The following COL24A1 variants were observed in gnomAD, a reference collection of about 807,000 sequenced individuals.
COL24A1 encodes collagen type XXIV alpha 1 chain.
In COL24A1, 224 loss-of-function variants were observed where a neutral mutation model predicts 253.9. That is an observed-to-expected ratio of 0.88 (90% CI 0.79 to 0.99). The LOEUF (loss-of-function observed/expected upper bound fraction) is 0.99. COL24A1 is among the 50% of genes least tolerant of loss of function. The pLI, the probability that COL24A1 is intolerant of heterozygous loss-of-function variation, is 0.00. For missense variants in COL24A1, 2,131 were observed against 2,068.5 expected (o/e 1.03, Z -0.59); for synonymous variants, 685 against 673.7 (o/e 1.02, Z -0.26).
intron 5 of COL24A1, among the ~76,000 whole-genome samples, chr1:86,110,281 T>C (rs781181025): frequency 2.6e-5 from 4 of 151,950 alleles, no homozygotes; most frequent in Non-Finnish European, 5.9e-5. Context: ...TTATGTTTAG[T>C]GATATCTCCA....
intron 28 of COL24A1, among the ~76,000 whole-genome samples, chr1:85,897,928 T>C (rs564938472): frequency 3.5e-4 from 53 of 152,136 alleles, no homozygotes; most frequent in Non-Finnish European, 7.1e-4. Flanking sequence ...AATAAAGATA[T>C]TTTTAGCAGC....
At chr1:85,862,301 C>T (rs532321620) in intron 37 of COL24A1, among the ~76,000 whole-genome samples, 18 of 152,156 alleles carry the variant, frequency 1.2e-4, no homozygotes, top group Non-Finnish European at 1.8e-4. Flanking sequence ...AAAACTTCAT[C>T]GAATTCACAA....
At chr1:86,031,853 AATG>A (rs1559067110) in intron 14 of COL24A1, 22 bp downstream of exon 14, 7 of 1,575,874 alleles carry the variant, frequency 4.4e-6, no homozygotes, top group Non-Finnish European at 5.2e-6. Context: ...TTTTCTTAAG[AATG>A]ATGATATTTA....
intron 19 of COL24A1, among the ~76,000 whole-genome samples, chr1:86,004,770 A>G (rs139750230): frequency 2.6e-3 from 394 of 152,254 alleles, no homozygotes; most frequent in African/African-American, 9.1e-3. Context: ...AGAAGACACA[A>G]CAAAGGTCTT....
intron 9 of COL24A1, among the ~76,000 whole-genome samples, chr1:86,058,279 A>G (rs1030661784): frequency 1.3e-5 from 2 of 151,764 alleles, no homozygotes; most frequent in African/African-American, 4.8e-5. Flanking sequence ...TTGTTTTAAA[A>G]CATTTCTAAT....
At chr1:85,794,743 G>T (rs1473417684) in intron 47 of COL24A1, among the ~76,000 whole-genome samples, 1 of 151,464 alleles carries the variant, frequency 6.6e-6, no homozygotes, top group East Asian at 1.9e-4. Context: ...ATCATTCTGG[G>T]TAAATTTTAA....
At position 85,895,911 on chromosome 1, in the gene COL24A1, GA is replaced by G. The variant is rs747380093; in HGVS notation, c.2878-10del. The G allele has an allele frequency of 3.7e-6, 6 of 1,607,282 alleles. No individual in the cohort carries two copies. The African/African-American group carries it at 6.7e-5, about 18-fold the overall frequency. On this transcript the variant is annotated splice_polypyrimidine_tract_variant and intron_variant, in intron 30 of 59. Transcript: ENST00000370571. ...GGGTTTCCAGTCTTACCCTACATGA[GA>G]AAGAAAATTCTTGAGTCAAGTAGTC...
intron 32 of COL24A1, among the ~76,000 whole-genome samples, chr1:85,878,446 T>A (rs1681446221): frequency 6.6e-6 from 1 of 152,244 alleles, no homozygotes; most frequent in African/African-American, 2.4e-5. Context: ...TTTCAACATA[T>A]GAATTTTGGG....
intron 3 of COL24A1, among the ~76,000 whole-genome samples, chr1:86,120,165 G>A (rs1557702222): frequency 6.6e-6 from 1 of 152,190 alleles, no homozygotes; most frequent in Non-Finnish European, 1.5e-5. Context: ...AGACTTAAAT[G>A]TTAGACCTAA....
chr1:85,757,211 G>A (rs578140533), intron 55 of COL24A1, among the ~76,000 whole-genome samples: 1 of 152,134 alleles, frequency 6.6e-6, no homozygotes, highest in Non-Finnish European at 1.5e-5. Context: ...GCAAAATTTT[G>A]TTATGTATAT....
chr1:86,114,527 A>C (rs904793586), intron 4 of COL24A1, among the ~76,000 whole-genome samples: 1 of 152,170 alleles, frequency 6.6e-6, no homozygotes, highest in African/African-American at 2.4e-5. Context: ...CTATGGAAGA[A>C]ATGTGATAGG....
intron 18 of COL24A1, among the ~76,000 whole-genome samples, chr1:86,020,170 CG>C (rs1697390216): frequency 1.5e-5 from 2 of 131,634 alleles, no homozygotes; most frequent in African/African-American, 6.0e-5. Flanking sequence ...TGGATTCAAG[CG>C]ATTCTCCTGC....
intron 43 of COL24A1, among the ~76,000 whole-genome samples, chr1:85,833,490 A>C (rs1487016311): frequency 6.6e-6 from 1 of 152,206 alleles, no homozygotes; most frequent in Admixed American, 6.5e-5. Context: ...GGATGTGGAG[A>C]AATAGGAACA....
chr1:85,887,646 C>G (rs971921071), intron 32 of COL24A1, among the ~76,000 whole-genome samples: 5 of 152,070 alleles, frequency 3.3e-5, no homozygotes, highest in Non-Finnish European at 7.4e-5. Flanking sequence ...TATAACTGGA[C>G]TGAGGGCTGT....
intron 24 of COL24A1, among the ~76,000 whole-genome samples, chr1:85,953,949 A>G (rs1203054383): frequency 1.3e-5 from 2 of 152,198 alleles, no homozygotes; most frequent in Non-Finnish European, 2.9e-5. Context: ...TAATGGGCTA[A>G]TTGCCTCTGG....
rs780851028 is a variant in COL24A1, at chr1:85,784,330, C to G, written c.4096G>C (p.Gly1366Arg). Reference protein sequence around the residue: ...QGLPGQPGIQGKRGHRGAQGD... With the variant: ...QGLPGQPGIQRKRGHRGAQGD... ...TGTGCTCCTCGGTGACCTCTTTTAC[C>G]TTGAATTCCAGGTTGACCAGGTAGC... Residue 1366 changes from glycine (G) to arginine (R), a missense_variant, in exon 49 of 60, where the codon GGT (glycine) becomes CGT (arginine). Transcript: ENST00000370571. 1 of 1,613,900 alleles carries G rather than the reference C, an allele frequency of 6.2e-7. No homozygotes were observed. Among genetic ancestry groups the G allele is most frequent in the Non-Finnish European group, 8.5e-7 (1 of 1,179,966 alleles).
At chr1:85,851,520 T>C (rs772033502) in intron 37 of COL24A1, among the ~76,000 whole-genome samples, 1 of 152,166 alleles carries the variant, frequency 6.6e-6, no homozygotes, top group Non-Finnish European at 1.5e-5. Flanking sequence ...TCAGATATTG[T>C]CAAATTGTTC....
At chr1:85,955,150 A>T (rs1296572610) in intron 24 of COL24A1, among the ~76,000 whole-genome samples, 5 of 152,158 alleles carry the variant, frequency 3.3e-5, no homozygotes, top group Non-Finnish European at 7.4e-5. Context: ...ATAACACAAC[A>T]ACAGACACCA....
chr1:85,786,384 C>A lies in COL24A1; in HGVS notation c.4029G>T (p.Leu1343Phe). ...GGCCTTGAATTCCTGGGCTTCCTGG[C>A]AAGCCTGATGAACCCTTTACTCCTG... The part of the protein sequence containing the change: ...GPPGVKGSSG[L>F]PGSPGIQGPK... The change falls in exon 48 of 60, where the codon TTG becomes TTT. Residue 1343 changes from leucine to phenylalanine, a missense_variant. Coordinates refer to ENST00000370571, the MANE Select transcript of COL24A1 (RefSeq NM_152890.7). 1.9e-6 allele frequency: 3 copies of A among 1,613,754 alleles called. No homozygotes were observed. The highest frequency in any genetic ancestry group is 2.5e-6 in the Non-Finnish European group (3 of 1,179,798).
Sources: allele counts gnomAD v4.1 joint callset (sites outside exome capture counted in the v4.1 genomes callset), GRCh38; gene constraint gnomAD v4.1.1; transcripts MANE v1.5; gene names NCBI Gene and HGNC (gene_info 2026-07-23, HGNC 2026-07-21).